The following NUP93 variants were observed in gnomAD, a reference collection of about 807,000 sequenced individuals.
NUP93 encodes nucleoporin 93.
Under a neutral mutation model 107.8 loss-of-function variants are expected in NUP93, and 55 were observed. The observed-to-expected ratio is 0.51, with a 90% CI of 0.41 to 0.64. The LOEUF is 0.64. Ranked by LOEUF, NUP93 falls within the 30% of genes least tolerant of loss-of-function variation. The pLI is 0.00. For missense variants in NUP93, 937 were observed against 1,044.7 expected, an observed-to-expected ratio of 0.90 and a Z score of 1.42; for synonymous variants, 390 against 397.5, an observed-to-expected ratio of 0.98 and a Z score of 0.22.
At chr16:56,836,834 G>A (rs1288555725) in intron 17 of NUP93, 117 bp downstream of exon 17, 5 of 646,940 alleles carry the variant, frequency 7.7e-6, no homozygotes, top group Non-Finnish European at 1.4e-5. Context: ...AGAGGCATTT[G>A]CTCTAGTGCT....
intron 2 of NUP93, among the ~76,000 whole-genome samples, chr16:56,749,971 C>T (rs1343653560): frequency 6.6e-6 from 1 of 152,218 alleles, no homozygotes; most frequent in African/African-American, 2.4e-5. Flanking sequence ...CTCCTGGCTG[C>T]CTGCAGTTAC....
At chr16:56,748,639 C>A (rs921210651) in intron 2 of NUP93, among the ~76,000 whole-genome samples, 2 of 152,116 alleles carry the variant, frequency 1.3e-5, no homozygotes, top group Non-Finnish European at 2.9e-5. Context: ...AAGTTATGAG[C>A]TGATATCACA....
At position 56,838,172 on chromosome 16, in the gene NUP93, G is replaced by GT. The variant is rs1209818389; in HGVS notation, c.2018+449dup. Among the ~76,000 whole-genome samples, 3 of 152,272 alleles carry GT rather than the reference G, an allele frequency of 2.0e-5. No homozygotes were observed. The East Asian group carries it at 5.8e-4, about 29-fold the overall frequency. ...AACTGAATTATCAGACTTCTAACTA[G>GT]TTTAAGTCCCAGGCTGAAGCTAACA... is the stretch of plus-strand genomic sequence containing the variant. On this transcript the variant is annotated intron_variant, in intron 18 of 21. Coordinates refer to ENST00000308159, the MANE Select transcript of NUP93 (RefSeq NM_014669.5).
At chr16:56,776,284 C>T (rs1458152432) in intron 3 of NUP93, among the ~76,000 whole-genome samples, 5 of 152,004 alleles carry the variant, frequency 3.3e-5, no homozygotes, top group South Asian at 2.1e-4. Context: ...CTTTTCTTTC[C>T]GTTGAGGAGT....
At chr16:56,826,157 T>C (rs916473015) in intron 8 of NUP93, among the ~76,000 whole-genome samples, 1 of 152,202 alleles carries the variant, frequency 6.6e-6, no homozygotes, top group South Asian at 2.1e-4. Context: ...GAGACCATAG[T>C]GGGCATCTGT....
chr16:56,758,271 A>G (rs1275459005), intron 2 of NUP93, among the ~76,000 whole-genome samples: 2 of 152,166 alleles, frequency 1.3e-5, no homozygotes, highest in African/African-American at 4.8e-5. Context: ...AGTCTATGGT[A>G]GTAGTATCGT....
chr16:56,755,465 G>T (rs528980472), intron 2 of NUP93, among the ~76,000 whole-genome samples: 17 of 148,130 alleles, frequency 1.1e-4, no homozygotes, highest in African/African-American at 4.2e-4. Context: ...GATGGGGGAG[G>T]TTTGGGGGGA....
At chr16:56,742,807 A>G (rs1961760532) in intron 1 of NUP93, among the ~76,000 whole-genome samples, 1 of 152,212 alleles carries the variant, frequency 6.6e-6, no homozygotes, top group South Asian at 2.1e-4. Flanking sequence ...CTAGAGAACT[A>G]GTGAGTAACA....
At chr16:56,831,378 G>A (rs1963783397) in intron 10 of NUP93, 1 of 155,836 alleles carries the variant, frequency 6.4e-6, no homozygotes, top group South Asian at 2.0e-4. Flanking sequence ...AGAAGCCCCT[G>A]TCTTGCTCAT....
At chr16:56,747,987 T>G (rs1249140181) in intron 1 of NUP93, 1 of 290,170 alleles carries the variant, frequency 3.4e-6, no homozygotes, top group Non-Finnish European at 6.5e-6. Flanking sequence ...TTTGTTCTGA[T>G]GGCAGAAATC....
chr16:56,765,861 G>C (rs890133515), intron 3 of NUP93, among the ~76,000 whole-genome samples: 4 of 152,172 alleles, frequency 2.6e-5, no homozygotes, highest in African/African-American at 9.7e-5. Context: ...GATCACAGTG[G>C]TAAGAAATTG....
chr16:56,782,007 G>A (rs1344013351), intron 3 of NUP93: 1 of 985,264 alleles, frequency 1.0e-6, no homozygotes, highest in Non-Finnish European at 1.2e-6. Context: ...ACTTGCAGAG[G>A]GGTTGTTCTT....
intron 3 of NUP93, among the ~76,000 whole-genome samples, chr16:56,796,622 T>C (rs556074769): frequency 2.3e-4 from 35 of 152,264 alleles, no homozygotes; most frequent in Non-Finnish European, 5.0e-4. Context: ...TAATTTAGCT[T>C]GTCATTTGAA....
chr16:56,808,166 T>C lies in NUP93; in HGVS notation c.489+2534T>C, dbSNP rs867899352. ...TATAACTATATATAATATATAGTTA[T>C]ATAACTATATAAAATATATAGTTAT... On this transcript the variant is annotated intron_variant, in intron 5 of 21. Transcript: ENST00000308159. Among the ~76,000 whole-genome samples, 918 of 127,632 alleles carry C rather than the reference T, an allele frequency of 7.2e-3. 33 individuals carry two copies. Among genetic ancestry groups the C allele is most frequent in the African/African-American group, 0.014 (473 of 32,674 alleles). 83.7% of individuals were successfully genotyped at this position (127,632 alleles called of 152,430 possible). A position where few individuals can be genotyped will look rare whatever the true frequency, so the allele number is the denominator to read the frequency against.
chr16:56,800,715 A>T (rs1171965945), intron 4 of NUP93, among the ~76,000 whole-genome samples: 1 of 152,240 alleles, frequency 6.6e-6, no homozygotes, highest in African/African-American at 2.4e-5. Context: ...AATGCCAGGA[A>T]AACAAGCTAC....
intron 5 of NUP93, among the ~76,000 whole-genome samples, chr16:56,811,556 G>C (rs1362340124): frequency 6.6e-6 from 1 of 151,962 alleles, no homozygotes; most frequent in Non-Finnish European, 1.5e-5. Context: ...TGTCACCCAG[G>C]CTGGAGTGGA....
At chr16:56,831,633 GGCAGGCCAATAGATACAGGT>G in intron 10 of NUP93, 189 bp from the exon 11 acceptor site, 1 of 494,706 alleles carries the variant, frequency 2.0e-6, no homozygotes, top group Non-Finnish European at 3.6e-6. Flanking sequence ...ATAGAAAACC[GGCAGGCCAATAGATACAGGT>G]GCAGGTAGTT....
At chr16:56,802,470 G>GA (rs1357849791) in intron 4 of NUP93, among the ~76,000 whole-genome samples, 3 of 151,446 alleles carry the variant, frequency 2.0e-5, no homozygotes, top group Non-Finnish European at 2.9e-5. Context: ...TCAGTGAAAA[G>GA]AAAAAAAACA....
At chr16:56,760,950 C>A (rs1457178987) in intron 3 of NUP93, among the ~76,000 whole-genome samples, 3 of 151,764 alleles carry the variant, frequency 2.0e-5, no homozygotes, top group Admixed American at 1.3e-4. Flanking sequence ...CAGAGCAAGA[C>A]CCTGTCTCAA....
Sources: gnomAD v4.1 joint callset for allele counts (sites outside exome capture counted in the v4.1 genomes callset) on GRCh38, gnomAD v4.1.1 for gene constraint, MANE v1.5 for transcripts, NCBI Gene and HGNC (gene_info 2026-07-23, HGNC 2026-07-21) for gene names.